Variants in SNTG1 observed in about 807,000 individuals in gnomAD.
The protein encoded by SNTG1 is syntrophin gamma 1, also known as gamma-1-syntrophin.
A neutral mutation model predicts 74.7 loss-of-function variants in SNTG1; 39 were observed. That is an observed-to-expected ratio of 0.52 (90% CI 0.40 to 0.68). The LOEUF is 0.68. Ranked by LOEUF, SNTG1 falls within the 30% of genes least tolerant of loss-of-function variation. SNTG1 has a pLI of 0.00. For synonymous variants in SNTG1, 254 were observed against 217.1 expected (o/e 1.17, Z -1.49); for missense variants, 685 against 609.5 (o/e 1.12, Z -1.30).
At chr8:50,326,585 T>A (rs932943866) in intron 2 of SNTG1, among the ~76,000 whole-genome samples, 14 of 151,974 alleles carry the variant, frequency 9.2e-5, no homozygotes, top group African/African-American at 3.4e-4. Flanking sequence ...TGTCTCTTTT[T>A]TTTTATTCCT....
At position 50,741,052 on chromosome 8, in the gene SNTG1, A is replaced by T. The variant is rs2095542167; in HGVS notation, c.1285-10949A>T. ...ATAACTACTGGGTACTAGGCTTAAT[A>T]CCTGGGTGACAAAATAATCTGTACA... On this transcript the variant is annotated intron_variant, in intron 17 of 18. Coordinates refer to ENST00000642720, the MANE Select transcript of SNTG1 (RefSeq NM_018967.5). Among the ~76,000 whole-genome samples the T allele has an allele frequency of 2.0e-5, 3 of 152,072 alleles. No individual in the cohort carries two copies. In the South Asian group the frequency reaches 6.2e-4, roughly 31 times the overall value.
intron 9 of SNTG1, among the ~76,000 whole-genome samples, chr8:50,528,323 C>A (rs931208298): frequency 6.6e-6 from 1 of 151,798 alleles, no homozygotes; most frequent in Non-Finnish European, 1.5e-5. Context: ...ATTCCTAGAA[C>A]GCTAAAGTTT....
rs750037120 is a variant in SNTG1, at chr8:50,704,628, A to G, written c.1067A>G (p.Gln356Arg). The G allele has an allele frequency of 1.2e-6, 2 of 1,614,118 alleles. No individual in the cohort carries two copies. Among genetic ancestry groups the G allele is most frequent in the African/African-American group, 2.7e-5 (2 of 75,016 alleles). Residue 356 changes from glutamine to arginine, a missense_variant, in exon 16 of 19, where the codon CAG becomes CGG. By Grantham distance (43) the Gln-to-Arg change is conservative. Transcript: ENST00000642720. ...KDSDLLDRRK[Q>R]CFTVQSESGE... ...AGTGACCTGCTGGACCGACGGAAACAGTGCTTCACCGTGCAGTCTGAGTCT... is the reference window on the plus strand; with the variant it reads ...AGTGACCTGCTGGACCGACGGAAACGGTGCTTCACCGTGCAGTCTGAGTCT...
chr8:50,723,635 A>G (rs2095492939), intron 17 of SNTG1, among the ~76,000 whole-genome samples: 1 of 152,134 alleles, frequency 6.6e-6, no homozygotes, highest in Admixed American at 6.6e-5. Flanking sequence ...TAATATGTTT[A>G]TTTTACAAAA....
chr8:49,918,660 G>C (rs1049039464), intron 1 of SNTG1, among the ~76,000 whole-genome samples: 1 of 151,958 alleles, frequency 6.6e-6, no homozygotes, highest in South Asian at 2.1e-4. Flanking sequence ...CCACACAACC[G>C]CACAAACACA....
rs912966929 is a variant in SNTG1 at position 50,594,468 on chromosome 8, G to A, written c.849+3551G>A. 9.9e-4 allele frequency among the ~76,000 whole-genome samples: 151 copies of A among 151,936 alleles called. 1 individual carries two copies. The highest frequency in any genetic ancestry group is 9.8e-3 in the Admixed American group (149 of 15,260). On this transcript the variant is annotated intron_variant, in intron 13 of 18. Coordinates refer to ENST00000642720, the MANE Select transcript of SNTG1 (RefSeq NM_018967.5). ...TAATATAATCAAATTATTTATATTA[G>A]TTTAAATTAATAAGGTTATACTTAT...
chr8:49,946,983 C>T (rs148613471), intron 1 of SNTG1, among the ~76,000 whole-genome samples: 6 of 152,206 alleles, frequency 3.9e-5, no homozygotes, highest in African/African-American at 7.2e-5. Flanking sequence ...GTAATAGCTA[C>T]GAGAGGTATA....
intron 1 of SNTG1, among the ~76,000 whole-genome samples, chr8:49,947,537 ACTT>A (rs1215638135): frequency 1.3e-5 from 2 of 152,200 alleles, no homozygotes; most frequent in East Asian, 1.9e-4. Flanking sequence ...CAGGAAGGAT[ACTT>A]CTTCTTAAAC....
intron 8 of SNTG1, among the ~76,000 whole-genome samples, chr8:50,466,144 T>A (rs2093606820): frequency 6.6e-6 from 1 of 152,164 alleles, no homozygotes; most frequent in Non-Finnish European, 1.5e-5. Flanking sequence ...GGTTATTTTA[T>A]ACTCCACTTT....
chr8:50,240,703 A>T (rs1328727199), intron 2 of SNTG1, among the ~76,000 whole-genome samples: 1 of 152,286 alleles, frequency 6.6e-6, no homozygotes, highest in East Asian at 1.9e-4. Flanking sequence ...TCGGTTCTTC[A>T]TGTTGGCCTC....
intron 17 of SNTG1, among the ~76,000 whole-genome samples, chr8:50,745,055 C>T (rs764274719): frequency 3.9e-5 from 6 of 151,920 alleles, no homozygotes; most frequent in Non-Finnish European, 8.8e-5. Flanking sequence ...ATAAATTGGA[C>T]AACATTAAAG....
At chr8:50,508,540 A>G (rs4577971) in intron 9 of SNTG1, among the ~76,000 whole-genome samples, 61,575 of 151,944 alleles carry the variant, frequency 0.41, 16,817 homozygotes, top group African/African-American at 0.78. Context: ...CCCACCAACG[A>G]TGTAAAGTTT....
In SNTG1 at chr8:50,504,468, A is replaced by G. The variant is rs529769733; in HGVS notation, c.466+1588A>G. Among the ~76,000 whole-genome samples the G allele has an allele frequency of 2.2e-4, 33 of 152,300 alleles. 1 individual carries two copies. In the East Asian group the frequency reaches 6.4e-3, roughly 29 times the overall value. ...TTAAGAATTGAATTGCTGAGTGACT[A>G]GAAAGATGTATAATTAACTTGTTAA... On this transcript the variant is annotated intron_variant, in intron 9 of 18. Coordinates refer to ENST00000642720, the MANE Select transcript of SNTG1 (RefSeq NM_018967.5).
At chr8:50,672,883 C>G (rs1175922836) in intron 15 of SNTG1, among the ~76,000 whole-genome samples, 1 of 152,100 alleles carries the variant, frequency 6.6e-6, no homozygotes, top group African/African-American at 2.4e-5. Flanking sequence ...AGGAAGTAGT[C>G]CAGTTTCACT....
chr8:49,990,080 T>A (rs1189500377), intron 1 of SNTG1, among the ~76,000 whole-genome samples: 1 of 151,896 alleles, frequency 6.6e-6, no homozygotes, highest in Non-Finnish European at 1.5e-5. Context: ...TGCAACATTA[T>A]TAGAAGTTCT....
intron 8 of SNTG1, among the ~76,000 whole-genome samples, chr8:50,487,535 G>T (rs889508360): frequency 2.0e-5 from 3 of 152,126 alleles, no homozygotes; most frequent in Admixed American, 1.3e-4. Flanking sequence ...CATGTCTTTG[G>T]AGGGACATGG....
chr8:50,632,976 C>G (rs1171014540), intron 13 of SNTG1, among the ~76,000 whole-genome samples: 4 of 152,118 alleles, frequency 2.6e-5, no homozygotes, highest in African/African-American at 9.7e-5. Flanking sequence ...CTTTCATGGC[C>G]TATAACAATT....
intron 2 of SNTG1, among the ~76,000 whole-genome samples, chr8:50,229,918 T>C (rs997077322): frequency 1.1e-4 from 17 of 151,542 alleles, no homozygotes; most frequent in Non-Finnish European, 4.4e-5. Flanking sequence ...CAAAACTCAA[T>C]AACACAGTGA....
At chr8:50,445,157 C>T (rs925222718) in intron 5 of SNTG1, among the ~76,000 whole-genome samples, 3 of 152,022 alleles carry the variant, frequency 2.0e-5, no homozygotes, top group African/African-American at 4.8e-5. Flanking sequence ...TTATTTTTTG[C>T]CAAAATCAAA....
Sources: gnomAD v4.1 joint callset for allele counts (sites outside exome capture counted in the v4.1 genomes callset) on GRCh38, gnomAD v4.1.1 for gene constraint, MANE v1.5 for transcripts, NCBI Gene and HGNC (gene_info 2026-07-23, HGNC 2026-07-21) for gene names.